The following COG5 variants were observed in gnomAD, a reference collection of about 807,000 sequenced individuals.
COG5 encodes the protein component of oligomeric golgi complex 5.
COG5 carries 86 observed loss-of-function variants against 110.4 expected under a neutral mutation model. The observed-to-expected ratio is 0.78, with a 90% confidence interval of 0.65 to 0.93. COG5 has a LOEUF of 0.93. Among genes scored for constraint, COG5 ranks in the 40% least tolerant of loss-of-function variants. The pLI is 0.00. For missense variants in COG5, 1,077 were observed against 987.0 expected (o/e 1.09, Z -1.22); for synonymous variants, 360 against 334.6 (o/e 1.08, Z -0.83).
chr7:107,498,048 T>G (rs113014081), intron 6 of COG5, among the ~76,000 whole-genome samples: 3,039 of 152,200 alleles, frequency 0.02, 105 homozygotes, highest in African/African-American at 0.068. Context: ...GACAGTCTCT[T>G]CAACAAATAC....
At chr7:107,251,690 ACAGAAAAATTG>A (rs1345433629) in intron 16 of COG5, among the ~76,000 whole-genome samples, 1 of 152,198 alleles carries the variant, frequency 6.6e-6, no homozygotes, top group Non-Finnish European at 1.5e-5. Flanking sequence ...CAAGTATAAC[ACAGAAAAATTG>A]CAGTGCTTAG....
At chr7:107,228,353 T>C (rs1346678641) in intron 19 of COG5, among the ~76,000 whole-genome samples, 1 of 146,488 alleles carries the variant, frequency 6.8e-6, no homozygotes, top group African/African-American at 2.5e-5. Flanking sequence ...CAATGCTAAA[T>C]CACAGCTTTT....
intron 21 of COG5, chr7:107,207,958 C>T: frequency 1.0e-6 from 1 of 985,400 alleles, no homozygotes; most frequent in Middle Eastern, 5.2e-4. Context: ...GAGTATACAA[C>T]AAGGTTTGCC....
intron 6 of COG5, among the ~76,000 whole-genome samples, chr7:107,510,560 T>C (rs1380876179): frequency 6.6e-6 from 1 of 152,222 alleles, no homozygotes; most frequent in African/African-American, 2.4e-5. Flanking sequence ...AATAGACATC[T>C]ACAGAACTCT....
At chr7:107,473,292 C>G (rs535764656) in intron 6 of COG5, among the ~76,000 whole-genome samples, 1 of 151,954 alleles carries the variant, frequency 6.6e-6, no homozygotes, top group East Asian at 1.9e-4. Context: ...CAAAATAAAT[C>G]ATTTCATAGG....
chr7:107,273,636 T>C (rs928950266), intron 14 of COG5, among the ~76,000 whole-genome samples: 1 of 152,198 alleles, frequency 6.6e-6, no homozygotes, highest in African/African-American at 2.4e-5. Context: ...TTCAAAAATC[T>C]TCCTGATGGT....
At chr7:107,560,810 T>C (rs1803714077) in intron 1 of COG5, among the ~76,000 whole-genome samples, 1 of 152,192 alleles carries the variant, frequency 6.6e-6, no homozygotes, top group Non-Finnish European at 1.5e-5. Flanking sequence ...TGGAATGGCA[T>C]ATCATAAAAA....
chr7:107,418,004 A>C (rs1452840017), intron 6 of COG5, among the ~76,000 whole-genome samples: 1 of 152,176 alleles, frequency 6.6e-6, no homozygotes, highest in Non-Finnish European at 1.5e-5. Flanking sequence ...ACAATCATAA[A>C]ATTATCTAAA....
intron 21 of COG5, chr7:107,209,345 G>T: frequency 2.7e-6 from 1 of 376,814 alleles, no homozygotes; most frequent in Non-Finnish European, 3.7e-6. Context: ...AACCAAGACA[G>T]GGAGTATAAG....
chr7:107,475,364 GAA>G, intron 6 of COG5: 1 of 1,382,306 alleles, frequency 7.2e-7, no homozygotes, highest in Non-Finnish European at 9.8e-7. Flanking sequence ...ACAGACTAGA[GAA>G]AAGTCTCAGT....
intron 7 of COG5, among the ~76,000 whole-genome samples, chr7:107,374,853 T>TA (rs34669549): frequency 6.6e-6 from 1 of 152,090 alleles, no homozygotes; most frequent in South Asian, 2.1e-4. Context: ...ATTATGCCAG[T>TA]AAAAAAACTG....
chr7:107,258,606 T>C, intron 14 of COG5: 2 of 576,274 alleles, frequency 3.5e-6, no homozygotes, highest in African/African-American at 3.7e-5. Context: ...ACACCATGGA[T>C]GTGGAAGCAC....
intron 6 of COG5, among the ~76,000 whole-genome samples, chr7:107,445,565 C>G (rs1794960402): frequency 6.6e-6 from 1 of 152,096 alleles, no homozygotes; most frequent in African/African-American, 2.4e-5. Flanking sequence ...TGGAAAATTG[C>G]CTTAATCTAT....
At chr7:107,394,801 T>C (rs1260422659) in intron 7 of COG5, among the ~76,000 whole-genome samples, 3 of 152,206 alleles carry the variant, frequency 2.0e-5, no homozygotes, top group Non-Finnish European at 4.4e-5. Context: ...CCACAGTGGA[T>C]AATACCATTA....
intron 6 of COG5, among the ~76,000 whole-genome samples, chr7:107,449,225 T>C (rs2395883): frequency 0.28 from 42,042 of 151,996 alleles, 5,875 homozygotes; most frequent in East Asian, 0.33. Flanking sequence ...ACCTAATGCA[T>C]ACGGGACTTA....
chr7:107,228,942 C>G (rs912473431), intron 19 of COG5, among the ~76,000 whole-genome samples: 1 of 152,196 alleles, frequency 6.6e-6, no homozygotes, highest in Non-Finnish European at 1.5e-5. Flanking sequence ...AAAGGACATA[C>G]TGCTTATTGA....
chr7:107,350,532 G>C (rs1049804982), intron 10 of COG5, among the ~76,000 whole-genome samples: 7 of 152,066 alleles, frequency 4.6e-5, no homozygotes, highest in African/African-American at 1.7e-4. Context: ...GCATCCTTGA[G>C]AGTCTAAAAG....
intron 17 of COG5, among the ~76,000 whole-genome samples, chr7:107,245,360 C>A (rs936600854): frequency 1.5e-4 from 23 of 152,096 alleles, no homozygotes; most frequent in Non-Finnish European, 8.8e-5. Context: ...GAGGTCCTAG[C>A]CAGAGCAACC....
intron 19 of COG5, among the ~76,000 whole-genome samples, chr7:107,229,867 T>C (rs888347599): frequency 1.6e-4 from 24 of 150,370 alleles, no homozygotes; most frequent in African/African-American, 5.9e-4. Context: ...TGTTTTTTTT[T>C]TTGAGACAGA....
Sources: gnomAD v4.1 joint callset for allele counts (sites outside exome capture counted in the v4.1 genomes callset) on GRCh38, gnomAD v4.1.1 for gene constraint, MANE v1.5 for transcripts, NCBI Gene and HGNC (gene_info 2026-07-23, HGNC 2026-07-21) for gene names.